Variants in ZNF821 observed in about 807,000 individuals in gnomAD.
The protein encoded by ZNF821 is zinc finger protein 821.
In ZNF821, 16 loss-of-function variants were observed where a neutral mutation model predicts 44.3. That is an observed-to-expected ratio of 0.36 (90% CI 0.24 to 0.55). The LOEUF (loss-of-function observed/expected upper bound fraction) is 0.55. Among genes scored for constraint, ZNF821 ranks in the 20% least tolerant of loss-of-function variants. The pLI is 0.86. For synonymous variants in ZNF821, 204 were observed against 197.6 expected, an observed-to-expected ratio of 1.03 and a Z score of -0.27; for missense variants, 436 against 547.6, an observed-to-expected ratio of 0.80 and a Z score of 2.03.
Position 71,861,928 on chromosome 16 carries a change from C to T in ZNF821, c.432G>A (p.Val144=), listed in dbSNP as rs1243999409. Residue 144 remains valine (V), a synonymous_variant, in exon 7 of 8, where the codon GTG becomes GTA. Coordinates refer to ENST00000425432, the MANE Select transcript of ZNF821 (RefSeq NM_001201552.2). ...GACACATGTAGCTCTTGGCGCTCAC[C>T]ACTGCTGCAGTGTGCTGTAAAACAG... ...IAHVYQHTAA[V]VSAKSYMCPV... 2 of 1,614,206 alleles carry T rather than the reference C, an allele frequency of 1.2e-6. No homozygotes were observed. Among genetic ancestry groups the T allele is most frequent in the Non-Finnish European group, 1.7e-6 (2 of 1,180,020 alleles).
At chr16:71,876,641 C>T (rs1214505635) in intron 3 of ZNF821, among the ~76,000 whole-genome samples, 1 of 152,148 alleles carries the variant, frequency 6.6e-6, no homozygotes, top group Non-Finnish European at 1.5e-5. Context: ...CTCCGACGCT[C>T]AGGCTGGAGT....
intron 6 of ZNF821, 115 bp downstream of exon 6, chr16:71,864,021 AGT>A: frequency 1.1e-6 from 1 of 874,674 alleles, no homozygotes; most frequent in Non-Finnish European, 1.9e-6. Context: ...TCTTAATAGA[AGT>A]GACAACCCAA....
intron 4 of ZNF821, among the ~76,000 whole-genome samples, 167 bp from the exon 5 acceptor site, chr16:71,865,215 A>AGCT (rs1346069635): frequency 6.6e-6 from 1 of 152,236 alleles, no homozygotes; most frequent in Non-Finnish European, 1.5e-5. Context: ...AACCAACTAT[A>AGCT]GCTGTCATTT....
intron 3 of ZNF821, among the ~76,000 whole-genome samples, chr16:71,879,702 C>A (rs979054670): frequency 1.3e-5 from 2 of 152,166 alleles, no homozygotes; most frequent in African/African-American, 4.8e-5. Flanking sequence ...CCCCCAGCAA[C>A]CAGACACACT....
At chr16:71,886,703 G>A (rs2036856676), upstream of ZNF821, among the ~76,000 whole-genome samples, 1 of 152,166 alleles carries the variant, frequency 6.6e-6, no homozygotes, top group Non-Finnish European at 1.5e-5. Context: ...TGCTTTTAAA[G>A]TGTACAATTC....
Position 71,860,525 on chromosome 16 carries a change from G to A in ZNF821, c.732C>T (p.Tyr244=), listed in dbSNP as rs1006621565. 1 of 1,614,170 alleles carries A rather than the reference G, an allele frequency of 6.2e-7. No homozygotes were observed. The highest frequency in any genetic ancestry group is 8.5e-7 in the Non-Finnish European group (1 of 1,180,038). ...ILLVCNNCAA[Y]RKLLEAQTPS... ...GAGTCTGGGCTTCCAGCAGTTTACG[G>A]TAGGCAGCACAGTTGTTGCACACAA... Residue 244 remains tyrosine, a synonymous_variant, in exon 8 of 8, where the codon TAC becomes TAT. Coordinates refer to ENST00000425432, the MANE Select transcript of ZNF821 (RefSeq NM_001201552.2). The surrounding 1 kb of genome is among the most constrained non-coding windows in gnomAD (Gnocchi z 7.3).
chr16:71,880,037 G>T lies in ZNF821; in HGVS notation c.-77-14C>A. 7.8e-7 allele frequency: 1 copy of T among 1,286,818 alleles called. No homozygotes were observed. Among genetic ancestry groups the T allele is most frequent in the South Asian group, 1.4e-5 (1 of 70,886 alleles). 79.7% of individuals were successfully genotyped at this position (1,286,818 alleles called of 1,614,324 possible). ...CAAGATGCTAACCTGCAATAAAAAA[G>T]GTTATTGTTAGCACATGTCATTTTC... On this transcript the variant is annotated splice_polypyrimidine_tract_variant and intron_variant, in intron 2 of 7. Transcript: ENST00000425432.
intron 3 of ZNF821, among the ~76,000 whole-genome samples, chr16:71,873,768 C>T (rs776287880): frequency 1.4e-4 from 22 of 151,940 alleles, no homozygotes; most frequent in Non-Finnish European, 1.8e-4. Flanking sequence ...ATCCTCTCAC[C>T]TCAACCTCCT....
At chr16:71,871,982 C>A (rs2142406372) in intron 3 of ZNF821, among the ~76,000 whole-genome samples, 1 of 152,084 alleles carries the variant, frequency 6.6e-6, no homozygotes, top group East Asian at 1.9e-4. Context: ...CAGGCAAGCA[C>A]CACCACGCCT....
At chr16:71,861,220 A>G (rs533259866) in intron 7 of ZNF821, among the ~76,000 whole-genome samples, 1 of 152,344 alleles carries the variant, frequency 6.6e-6, no homozygotes, top group South Asian at 2.1e-4. Flanking sequence ...AATGCACCAG[A>G]AATCAGACAA....
intron 1 of ZNF821, chr16:71,894,585 A>C: frequency 2.5e-6 from 1 of 402,470 alleles, no homozygotes. Flanking sequence ...GAGTGCTGTG[A>C]CGTGATCACG....
chr16:71,885,672 A>T (rs535124032), upstream of ZNF821, among the ~76,000 whole-genome samples: 2 of 152,196 alleles, frequency 1.3e-5, no homozygotes, highest in African/African-American at 4.8e-5. Flanking sequence ...CTTGTGTTCA[A>T]TGTAATAGAA....
exon 1 of ZNF821, chr16:71,894,917 CTG>C: frequency 8.4e-7 from 1 of 1,196,592 alleles, no homozygotes; most frequent in Non-Finnish European, 1.2e-6. Context: ...TCGCCAGAGA[CTG>C]TGGTGCTGAG....
chr16:71,871,741 A>G (rs1343752165), intron 3 of ZNF821, among the ~76,000 whole-genome samples: 3 of 152,058 alleles, frequency 2.0e-5, no homozygotes. Context: ...AGAGTCAACT[A>G]CACTCTCACA....
chr16:71,890,753 TC>T (rs2036880673), intron 1 of ZNF821: 2 of 130,104 alleles, frequency 1.5e-5, no homozygotes, highest in African/African-American at 2.9e-5. Flanking sequence ...TTCATGCTCC[TC>T]CCCTTCCTGC....
chr16:71,874,797 A>G (rs2035619973), intron 3 of ZNF821, among the ~76,000 whole-genome samples: 1 of 152,176 alleles, frequency 6.6e-6, no homozygotes, highest in Admixed American at 6.5e-5. Context: ...TAAATTAAAT[A>G]TATTTAGTTG....
At chr16:71,872,771 C>T (rs1390613308) in intron 3 of ZNF821, among the ~76,000 whole-genome samples, 1 of 152,130 alleles carries the variant, frequency 6.6e-6, no homozygotes, top group Non-Finnish European at 1.5e-5. Context: ...AGGATGCTAA[C>T]AGAATAAATA....
At chr16:71,892,819 C>T (rs578041729) in intron 1 of ZNF821, among the ~76,000 whole-genome samples, 3 of 149,270 alleles carry the variant, frequency 2.0e-5, no homozygotes, top group Non-Finnish European at 4.4e-5. Context: ...GCAACCTCCG[C>T]CTCCCGGTTC....
At chr16:71,894,706 T>TC in intron 1 of ZNF821, 1 of 580,700 alleles carries the variant, frequency 1.7e-6, no homozygotes, top group Non-Finnish European at 2.9e-6. Context: ...AACTTTTTTT[T>TC]TTTTTTTTTT....
Sources: gnomAD v4.1 joint callset for allele counts (sites outside exome capture counted in the v4.1 genomes callset) on GRCh38, gnomAD v4.1.1 for gene constraint, Gnocchi (gnomAD v3.1) non-coding constraint, MANE v1.5 for transcripts, NCBI Gene and HGNC (gene_info 2026-07-23, HGNC 2026-07-21) for gene names.